The following COMMD1 variants were observed in gnomAD, a reference collection of about 807,000 sequenced individuals.
COMMD1 encodes the protein COMM domain-containing protein 1.
Under a neutral mutation model 17.2 loss-of-function variants are expected in COMMD1, and 10 were observed. The observed-to-expected ratio is 0.58, with a 90% CI of 0.36 to 0.99. The LOEUF is 0.99. Ranked by LOEUF, COMMD1 falls within the 50% of genes least tolerant of loss-of-function variation. COMMD1 has a pLI of 0.01. For synonymous variants in COMMD1, 97 were observed against 91.6 expected, an observed-to-expected ratio of 1.06 and a Z score of -0.34; for missense variants, 270 against 231.8, an observed-to-expected ratio of 1.17 and a Z score of -1.07.
At chr2:62,050,883 A>C (rs1297922384) in intron 2 of COMMD1, among the ~76,000 whole-genome samples, 1 of 152,178 alleles carries the variant, frequency 6.6e-6, no homozygotes, top group African/African-American at 2.4e-5. Context: ...CTTGTGAATC[A>C]AAAACAAAAA....
intron 1 of COMMD1, among the ~76,000 whole-genome samples, chr2:61,981,289 G>T (rs1277133465): frequency 6.6e-6 from 1 of 152,184 alleles, no homozygotes; most frequent in Non-Finnish European, 1.5e-5. Flanking sequence ...TGAGGTCCTA[G>T]ATTTAAGTCT....
chr2:61,949,297 C>G (rs1670991097), intron 1 of COMMD1, among the ~76,000 whole-genome samples: 1 of 152,118 alleles, frequency 6.6e-6, no homozygotes, highest in Non-Finnish European at 1.5e-5. Flanking sequence ...GTGTAGAGAA[C>G]CGAGAAGCCT....
intron 2 of COMMD1, among the ~76,000 whole-genome samples, chr2:62,069,163 CT>C (rs1009165763): frequency 4.6e-5 from 7 of 150,918 alleles, no homozygotes; most frequent in Admixed American, 1.3e-4. Flanking sequence ...TTTATTTTGG[CT>C]TTTTTTTTGT....
At chr2:62,058,693 C>T (rs778734029) in intron 2 of COMMD1, among the ~76,000 whole-genome samples, 2 of 151,884 alleles carry the variant, frequency 1.3e-5, no homozygotes, top group African/African-American at 2.4e-5. Flanking sequence ...GAGCCATTAT[C>T]GTGCTACTAC....
intron 1 of COMMD1, among the ~76,000 whole-genome samples, chr2:61,998,426 A>C (rs906656278): frequency 6.6e-6 from 1 of 151,642 alleles, no homozygotes; most frequent in African/African-American, 2.4e-5. Context: ...CGCCCAGCTA[A>C]TTTTTGTATT....
At chr2:62,112,506 A>C (rs1054041708) in intron 2 of COMMD1, among the ~76,000 whole-genome samples, 10 of 152,366 alleles carry the variant, frequency 6.6e-5, no homozygotes, top group Non-Finnish European at 1.0e-4. Context: ...GCTGGTAGTT[A>C]AAATGTTTAG....
chr2:61,909,024 G>C (rs1379479563), intron 1 of COMMD1, among the ~76,000 whole-genome samples: 1 of 152,126 alleles, frequency 6.6e-6, no homozygotes, highest in Non-Finnish European at 1.5e-5. Flanking sequence ...TGCCTCCCAG[G>C]TTCAAGCAAT....
intron 2 of COMMD1, among the ~76,000 whole-genome samples, chr2:62,012,499 G>T (rs1669311849): frequency 6.6e-6 from 1 of 151,914 alleles, no homozygotes. Context: ...TGTGTTTTTA[G>T]TAGAGACGGG....
chr2:62,081,581 T>A (rs1047992423), intron 2 of COMMD1, among the ~76,000 whole-genome samples: 13 of 152,074 alleles, frequency 8.5e-5, no homozygotes, highest in African/African-American at 3.1e-4. Flanking sequence ...ATGATATCCC[T>A]TGTTGCTTTA....
intron 1 of COMMD1, among the ~76,000 whole-genome samples, chr2:61,975,137 T>C (rs907305334): frequency 6.8e-6 from 1 of 146,986 alleles, no homozygotes; most frequent in East Asian, 1.9e-4. Context: ...TTTTTTTTTT[T>C]TTTGTATTTT....
chr2:61,896,836 G>GT (rs1029693400), intron 1 of COMMD1, among the ~76,000 whole-genome samples: 8 of 75,492 alleles, frequency 1.1e-4, no homozygotes, highest in East Asian at 3.7e-4. Context: ...TTTTTTTTTT[G>GT]TTTTTTTTAG....
chr2:61,982,508 T>G (rs1671982143), intron 1 of COMMD1, among the ~76,000 whole-genome samples: 1 of 152,228 alleles, frequency 6.6e-6, no homozygotes, highest in South Asian at 2.1e-4. Context: ...AGCTAAGACT[T>G]TCAGTATTAT....
chr2:61,970,076 A>C lies in COMMD1; in HGVS notation c.181-30625A>C, dbSNP rs141294854. 3.9e-3 allele frequency among the ~76,000 whole-genome samples: 588 copies of C among 151,978 alleles called. 6 individuals carry two copies. Among genetic ancestry groups the C allele is most frequent in the African/African-American group, 0.013 (553 of 41,474 alleles). ...GTTCGAGACCAGCCTGGCCAATATGATGAAACCCCATCTCTAGTAAAAATA... is the reference window on the plus strand; with the variant it reads ...GTTCGAGACCAGCCTGGCCAATATGCTGAAACCCCATCTCTAGTAAAAATA... On this transcript the variant is annotated intron_variant, in intron 1 of 2. Coordinates refer to ENST00000311832, the MANE Select transcript of COMMD1 (RefSeq NM_152516.4).
At chr2:62,115,886 G>C (rs1379632080) in intron 2 of COMMD1, among the ~76,000 whole-genome samples, 1 of 132,390 alleles carries the variant, frequency 7.6e-6, no homozygotes, top group East Asian at 2.1e-4. Flanking sequence ...TTTGAGATAG[G>C]GTCTTGCTGT....
At chr2:62,125,379 G>A (rs1383499224) in intron 2 of COMMD1, among the ~76,000 whole-genome samples, 1 of 152,192 alleles carries the variant, frequency 6.6e-6, no homozygotes, top group Non-Finnish European at 1.5e-5. Context: ...TAATTGCTCA[G>A]TAATTAAGTT....
chr2:62,087,787 C>T (rs879543262), intron 2 of COMMD1, among the ~76,000 whole-genome samples: 8 of 152,182 alleles, frequency 5.3e-5, no homozygotes, highest in African/African-American at 1.4e-4. Flanking sequence ...ATAAAAATGC[C>T]TTCTGATGCA....
At chr2:62,009,073 C>A (rs999262601) in intron 2 of COMMD1, among the ~76,000 whole-genome samples, 1 of 151,966 alleles carries the variant, frequency 6.6e-6, no homozygotes, top group East Asian at 1.9e-4. Context: ...TGTGAGCCAC[C>A]GGGCCCGGTC....
intron 2 of COMMD1, among the ~76,000 whole-genome samples, chr2:62,049,086 G>A (rs13403314): frequency 2.4e-4 from 37 of 151,960 alleles, no homozygotes; most frequent in African/African-American, 8.4e-4. Context: ...AGAAATGCAA[G>A]TTTAACCAGA....
At chr2:61,913,896 G>A (rs1411980098) in intron 1 of COMMD1, among the ~76,000 whole-genome samples, 1 of 151,558 alleles carries the variant, frequency 6.6e-6, no homozygotes, top group Non-Finnish European at 1.5e-5. Context: ...ACCCCCCTGG[G>A]TGCGGTGGCT....
Sources: allele counts gnomAD v4.1 joint callset (sites outside exome capture counted in the v4.1 genomes callset), GRCh38; gene constraint gnomAD v4.1.1; transcripts MANE v1.5; gene names NCBI Gene and HGNC (gene_info 2026-07-23, HGNC 2026-07-21).